Variants in LRTM3 observed in about 807,000 individuals in gnomAD.
LRTM3 encodes the protein leucine rich repeat transmembrane protein 3, also known as leucine-rich repeat transmembrane protein 3.
the LRTM3 span, chr13:102,736,674 G>A: frequency 1.3e-6 from 2 of 1,550,654 alleles, no homozygotes; most frequent in South Asian, 2.4e-5. Context: ...TCCCCTTGTT[G>A]ACTGATGTTC....
At chr13:102,745,152 A>G in the LRTM3 span, 1 of 1,550,602 alleles carries the variant, frequency 6.4e-7, no homozygotes, top group Non-Finnish European at 8.7e-7. Context: ...TGGTTTTCTA[A>G]TTTGTGAAAG....
chr13:102,749,662 A>T, the LRTM3 span: 3 of 1,551,302 alleles, frequency 1.9e-6, no homozygotes, highest in African/African-American at 4.1e-5. Flanking sequence ...TCTTCATCAC[A>T]TCTTCAGGCT....
At chr13:102,729,409 G>A in the LRTM3 span, 2 of 1,365,434 alleles carry the variant, frequency 1.5e-6, no homozygotes, top group Non-Finnish European at 1.9e-6. Flanking sequence ...TATCACAATA[G>A]CGACCAGCTG....
chr13:102,733,770 C>G, the LRTM3 span: 2 of 1,551,274 alleles, frequency 1.3e-6, no homozygotes, highest in African/African-American at 1.4e-5. Context: ...TCTGACCTGA[C>G]TCGTGAAGGT....
the LRTM3 span, chr13:102,747,796 A>G: frequency 5.2e-5 from 81 of 1,551,142 alleles, no homozygotes; most frequent in Non-Finnish European, 6.7e-5. Context: ...TCTCCAAAAT[A>G]GTTTGTGTAG....
the LRTM3 span, chr13:102,747,286 A>G: frequency 6.5e-7 from 1 of 1,549,412 alleles, no homozygotes; most frequent in Non-Finnish European, 8.7e-7. Flanking sequence ...TAACATTCAG[A>G]AGCATACCTG....
the LRTM3 span, chr13:102,749,647 T>C: frequency 2.6e-6 from 4 of 1,551,404 alleles, no homozygotes; most frequent in Non-Finnish European, 3.5e-6. Flanking sequence ...TGCTAGAAAA[T>C]GGCTTCTTCA....
At chr13:102,749,848 AT>A in the LRTM3 span, 3 of 1,551,388 alleles carry the variant, frequency 1.9e-6, no homozygotes, top group Non-Finnish European at 2.6e-6. Flanking sequence ...CAGAAGGTTG[AT>A]TCTGATTCAA....
the LRTM3 span, chr13:102,746,685 A>T: frequency 6.4e-7 from 1 of 1,551,066 alleles, no homozygotes; most frequent in Non-Finnish European, 8.7e-7. Flanking sequence ...GGAGTGCAAT[A>T]ATTGAAAGTC....
the LRTM3 span, chr13:102,734,499 C>T: frequency 6.4e-7 from 1 of 1,551,366 alleles, no homozygotes; most frequent in Non-Finnish European, 8.7e-7. Flanking sequence ...ACATGCAGTT[C>T]TGTTCTGTGG....
the LRTM3 span, among the ~76,000 whole-genome samples, chr13:102,757,782 C>A: frequency 2.0e-3 from 303 of 152,270 alleles, 1 homozygote; most frequent in Admixed American, 3.4e-3. Flanking sequence ...TACCACAGGG[C>A]AACTTTCCTG....
At chr13:102,744,222 A>G in the LRTM3 span, 3 of 1,550,360 alleles carry the variant, frequency 1.9e-6, no homozygotes, top group African/African-American at 2.7e-5. Context: ...TTTGCCTTCA[A>G]AGTTACACAT....
the LRTM3 span, chr13:102,738,088 T>C: frequency 6.4e-7 from 1 of 1,551,070 alleles, no homozygotes; most frequent in Non-Finnish European, 8.7e-7. Flanking sequence ...CCTCTTTCCC[T>C]TGCTCCTGAG....
chr13:102,730,496 A>ACATGATATTG, the LRTM3 span: 1 of 1,551,490 alleles, frequency 6.4e-7, no homozygotes, highest in African/African-American at 1.4e-5. Context: ...TTGAAACCAT[A>ACATGATATTG]CATGATATTG....
At chr13:102,747,332 A>T in the LRTM3 span, 9 of 1,550,176 alleles carry the variant, frequency 5.8e-6, no homozygotes, top group Non-Finnish European at 7.9e-6. Context: ...TTTAATTATA[A>T]TTTCAAAATT....
the LRTM3 span, chr13:102,731,908 G>C: frequency 1.0e-5 from 16 of 1,549,428 alleles, no homozygotes; most frequent in South Asian, 1.8e-4. Flanking sequence ...CCTGCTCGAT[G>C]ATACGTAAGT....
the LRTM3 span, chr13:102,746,708 G>A: frequency 3.9e-6 from 6 of 1,551,102 alleles, no homozygotes; most frequent in South Asian, 7.1e-5. Context: ...TGGCGAAGTT[G>A]CTGGTAAATC....
chr13:102,737,801 C>A, the LRTM3 span: 1 of 1,550,488 alleles, frequency 6.4e-7, no homozygotes, highest in East Asian at 2.5e-5. Flanking sequence ...TTGTAAAATA[C>A]CAGGTCTGAT....
the LRTM3 span, chr13:102,745,474 G>T: frequency 6.4e-7 from 1 of 1,550,844 alleles, no homozygotes; most frequent in Non-Finnish European, 8.7e-7. Context: ...CTTTCATTTT[G>T]GTTGTCAAGT....
Sources: gnomAD v4.1 joint callset for allele counts (sites outside exome capture counted in the v4.1 genomes callset) on GRCh38, gnomAD v4.1.1 for gene constraint, MANE v1.5 for transcripts, NCBI Gene and HGNC (gene_info 2026-07-23, HGNC 2026-07-21) for gene names.